NID1: variants seen among roughly 807,000 people sequenced by gnomAD.
NID1 encodes the protein nidogen 1.
A neutral mutation model predicts 130.6 loss-of-function variants in NID1; 76 were observed. The ratio of observed to expected loss-of-function variants is 0.58; its 90% CI spans 0.48 to 0.70. The LOEUF (loss-of-function observed/expected upper bound fraction) is 0.70. Ranked by LOEUF, NID1 falls within the 30% of genes least tolerant of loss-of-function variation. The pLI is 0.00. For missense variants in NID1, 1,517 were observed against 1,664.8 expected (o/e 0.91, Z 1.54); for synonymous variants, 665 against 675.1 (o/e 0.98, Z 0.23).
At chr1:236,049,100 CAACAGA>C (rs1659694304) in intron 1 of NID1, 111 bp from the exon 2 acceptor site, 20 of 1,137,490 alleles carry the variant, frequency 1.8e-5, no homozygotes, top group African/African-American at 4.7e-5. Context: ...GTGTAGAATA[CAACAGA>C]ATCTGAGAAA....
intron 13 of NID1, among the ~76,000 whole-genome samples, chr1:235,991,481 C>T (rs1448103731): frequency 6.6e-6 from 1 of 152,086 alleles, no homozygotes; most frequent in Non-Finnish European, 1.5e-5. Flanking sequence ...TACAGGCATG[C>T]ACCACCATAC....
chr1:236,052,627 G>A (rs1659791757), intron 1 of NID1, among the ~76,000 whole-genome samples: 1 of 152,194 alleles, frequency 6.6e-6, no homozygotes, highest in Admixed American at 6.5e-5. Flanking sequence ...ATTCCCTGCT[G>A]GAGCCACCGT....
chr1:236,040,300 C>G (rs914710330), intron 4 of NID1, among the ~76,000 whole-genome samples: 27 of 152,162 alleles, frequency 1.8e-4, no homozygotes, highest in African/African-American at 6.5e-4. Flanking sequence ...AAGACATGAG[C>G]CCCTGTCCTT....
intron 5 of NID1, among the ~76,000 whole-genome samples, chr1:236,035,326 TC>T (rs1659224174): frequency 4.1e-5 from 4 of 97,454 alleles, no homozygotes; most frequent in Non-Finnish European, 2.0e-5. Flanking sequence ...CATGAACTCA[TC>T]ATTTTTTATG....
At chr1:235,986,983 C>A (rs540666424) in intron 14 of NID1, among the ~76,000 whole-genome samples, 4 of 152,292 alleles carry the variant, frequency 2.6e-5, no homozygotes, top group Middle Eastern at 3.4e-3. Context: ...GCAAACACGC[C>A]CAGAGTCCTT....
chr1:235,985,318 C>T, intron 15 of NID1, 61 bp downstream of exon 15: 1 of 1,595,554 alleles, frequency 6.3e-7, no homozygotes, highest in Non-Finnish European at 8.6e-7. Context: ...CTCTGGCATA[C>T]ATGGCCACTT....
intron 13 of NID1, among the ~76,000 whole-genome samples, chr1:235,991,657 T>C (rs1001165787): frequency 2.6e-5 from 4 of 151,612 alleles, no homozygotes; most frequent in Admixed American, 6.6e-5. Flanking sequence ...TAGAAAAGCT[T>C]TGGCTACCCA....
rs184509389 is a variant in NID1 at position 236,045,784 on chromosome 1, C to T, written c.526-101G>A. On this transcript the variant is annotated intron_variant, in intron 2 of 19. Coordinates refer to ENST00000264187, the MANE Select transcript of NID1 (RefSeq NM_002508.3). ...CTATAAAGCGTACAGTGCTATAGAG[C>T]GATGGCAATATTCTCACCTTATTCT... The T allele has an allele frequency of 1.8e-5, 15 of 835,292 alleles. No individual in the cohort carries two copies. In the Admixed American group the frequency reaches 4.2e-4, roughly 23 times the overall value. The allele number at this position is 835,292 out of a possible 1,614,324, so 51.7% of individuals were successfully genotyped here.
intron 4 of NID1, 33 bp from the exon 5 acceptor site, chr1:236,038,286 C>T (rs955713062): frequency 3.1e-6 from 5 of 1,598,240 alleles, no homozygotes; most frequent in Non-Finnish European, 4.3e-6. Flanking sequence ...CACCTGTAAG[C>T]ATTTCATGCA....
At chr1:236,046,098 G>GA (rs1659594188) in intron 2 of NID1, among the ~76,000 whole-genome samples, 5 of 152,218 alleles carry the variant, frequency 3.3e-5, no homozygotes, top group Admixed American at 2.6e-4. Context: ...CCGTACAGTA[G>GA]AAAAAACAAA....
chr1:236,042,343 C>A, intron 3 of NID1, 51 bp from the exon 4 acceptor site: 1 of 1,561,408 alleles, frequency 6.4e-7, no homozygotes, highest in Non-Finnish European at 8.6e-7. Flanking sequence ...CCACCAACAG[C>A]CACCACTACC....
chr1:235,993,941 C>A, intron 12 of NID1, 69 bp from the exon 13 acceptor site: 1 of 1,454,448 alleles, frequency 6.9e-7, no homozygotes, highest in Non-Finnish European at 9.4e-7. Flanking sequence ...GGCGGGGCTG[C>A]AGGAGTCCCC....
At chr1:236,033,731 C>CAT (rs1353807534) in intron 5 of NID1, among the ~76,000 whole-genome samples, 3 of 152,198 alleles carry the variant, frequency 2.0e-5, no homozygotes, top group Non-Finnish European at 4.4e-5. Flanking sequence ...TAAATGTTGG[C>CAT]ATATACCTGG....
chr1:236,039,215 C>A (rs1250901820), intron 4 of NID1, among the ~76,000 whole-genome samples: 2 of 145,728 alleles, frequency 1.4e-5, no homozygotes, highest in Non-Finnish European at 3.0e-5. Flanking sequence ...GTATATACTA[C>A]ATATAATTAT....
chr1:236,047,408 T>A (rs1044607667), intron 2 of NID1, among the ~76,000 whole-genome samples: 2 of 152,146 alleles, frequency 1.3e-5, no homozygotes, highest in African/African-American at 4.8e-5. Context: ...AGAGAGAAAT[T>A]ATTTTTCCAA....
At chr1:236,048,623 C>T (rs1006407010) in intron 2 of NID1, 67 bp downstream of exon 2, 36 of 1,525,186 alleles carry the variant, frequency 2.4e-5, no homozygotes, top group Admixed American at 8.5e-5. Context: ...CAGCACAAGG[C>T]GTGAGACCAA....
chr1:236,011,398 G>C (rs1256613554), intron 12 of NID1, among the ~76,000 whole-genome samples: 1 of 150,702 alleles, frequency 6.6e-6, no homozygotes, highest in African/African-American at 2.4e-5. Context: ...TGCCTCCCAG[G>C]TTCAAGTGAT....
chr1:236,014,758 GGGA>G (rs1371763022), intron 10 of NID1, among the ~76,000 whole-genome samples: 1 of 152,136 alleles, frequency 6.6e-6, no homozygotes, highest in Non-Finnish European at 1.5e-5. Context: ...AGATGCCTAG[GGGA>G]GGAGAAGTAG....
chr1:236,065,056 G>A lies in NID1; in HGVS notation c.24C>T (p.Ile8=). MLASSSR[I]RAAWTRALLL... ...GCAGCGCCCGCGTCCACGCAGCCCG[G>A]ATCCGGCTGCTCGAGGCCAACATGT... The change falls in exon 1 of 20, where the codon ATC becomes ATT. Residue 8 remains isoleucine, a synonymous_variant. Coordinates refer to ENST00000264187, the MANE Select transcript of NID1 (RefSeq NM_002508.3). This position sits in a 1 kb window ranked among gnomAD's most constrained non-coding sequence, Gnocchi z 4.1. 6.4e-7 allele frequency: 1 copy of A among 1,552,196 alleles called. No homozygotes were observed. The highest frequency in any genetic ancestry group is 8.7e-7 in the Non-Finnish European group (1 of 1,147,922).
Sources: allele counts gnomAD v4.1 joint callset (sites outside exome capture counted in the v4.1 genomes callset), GRCh38; gene constraint gnomAD v4.1.1; non-coding constraint Gnocchi (gnomAD v3.1); transcripts MANE v1.5; gene names NCBI Gene and HGNC (gene_info 2026-07-23, HGNC 2026-07-21).